SEZ6L: variants seen among roughly 807,000 people sequenced by gnomAD.
SEZ6L encodes the protein seizure 6-like protein.
In SEZ6L, 37 loss-of-function variants were observed where a neutral mutation model predicts 106.2. The ratio of observed to expected loss-of-function variants is 0.35; its 90% CI spans 0.27 to 0.46. The LOEUF (loss-of-function observed/expected upper bound fraction) is 0.46, where lower values mean the gene tolerates loss of function less well. Ranked by LOEUF, SEZ6L falls within the 20% of genes least tolerant of loss-of-function variation. SEZ6L has a pLI of 1.00. For missense variants in SEZ6L, 1,172 were observed against 1,332.8 expected (o/e 0.88, Z 1.88); for synonymous variants, 541 against 570.4 (o/e 0.95, Z 0.73).
In SEZ6L at chr22:26,288,642, G is replaced by A. The variant is rs185065102; in HGVS notation, c.95-3764G>A. On this transcript the variant is annotated intron_variant, in intron 1 of 16. Coordinates refer to ENST00000248933, the MANE Select transcript of SEZ6L (RefSeq NM_021115.5). ...CTTCACTTTGATCATTCATAAAATA[G>A]GAACAATAATTTCTGCCTGATACGG... Among the ~76,000 whole-genome samples, 10 of 152,316 alleles carry A rather than the reference G, an allele frequency of 6.6e-5. No individual in the cohort carries two copies. In the East Asian group the frequency reaches 1.7e-3, roughly 26 times the overall value.
chr22:26,212,668 C>T (rs1457767108), intron 1 of SEZ6L, among the ~76,000 whole-genome samples: 2 of 152,188 alleles, frequency 1.3e-5, no homozygotes, highest in Non-Finnish European at 2.9e-5. Flanking sequence ...AAGGATTCTC[C>T]CACCTCGGCC....
At chr22:26,352,917 G>A (rs893103408) in intron 12 of SEZ6L, among the ~76,000 whole-genome samples, 2 of 152,182 alleles carry the variant, frequency 1.3e-5, no homozygotes, top group African/African-American at 4.8e-5. Flanking sequence ...AGCTTCCCCA[G>A]CCCACAGAAG....
In SEZ6L at chr22:26,292,947, C is replaced by T. The variant is rs746372777; in HGVS notation, c.636C>T (p.Ala212=). ...ISPFTSQPYV[A]HTLPQRPEPG... ...CCTTCACTTCGCAGCCCTATGTGGC[C>T]CACACACTCCCCCAGAGGCCAGAAC... Residue 212 remains alanine, a synonymous_variant, in exon 2 of 17, where the codon GCC becomes GCT. Coordinates refer to ENST00000248933, the MANE Select transcript of SEZ6L (RefSeq NM_021115.5). The T allele has an allele frequency of 1.1e-5, 18 of 1,614,086 alleles. No homozygotes were observed. The Admixed American group carries it at 3.0e-4, about 27-fold the overall frequency.
At chr22:26,307,248 T>G (rs894361387) in intron 6 of SEZ6L, among the ~76,000 whole-genome samples, 5 of 152,116 alleles carry the variant, frequency 3.3e-5, no homozygotes, top group Non-Finnish European at 5.9e-5. Flanking sequence ...TTTGAGCTGG[T>G]TGAGTTGACT....
chr22:26,332,804 C>T (rs1366221975), intron 9 of SEZ6L, among the ~76,000 whole-genome samples: 1 of 152,182 alleles, frequency 6.6e-6, no homozygotes, highest in East Asian at 1.9e-4. Context: ...AAGACTCAAT[C>T]GGAACACACT....
chr22:26,313,652 A>G (rs1294593479), intron 8 of SEZ6L, 112 bp from the exon 9 acceptor site: 3 of 1,291,130 alleles, frequency 2.3e-6, no homozygotes, highest in African/African-American at 1.5e-5. Flanking sequence ...ACCTGTCCAC[A>G]GTACACAGAG....
chr22:26,289,243 G>C (rs1388218821), intron 1 of SEZ6L, among the ~76,000 whole-genome samples: 2 of 152,074 alleles, frequency 1.3e-5, no homozygotes, highest in African/African-American at 4.8e-5. Flanking sequence ...TGGGTGTCCT[G>C]ACCCCTCCCC....
At chr22:26,332,474 T>C (rs5761478) in intron 9 of SEZ6L, among the ~76,000 whole-genome samples, 24,824 of 150,404 alleles carry the variant, frequency 0.17, 2,636 homozygotes, top group East Asian at 0.37. Context: ...TTAGACAGCA[T>C]CTCACTGTGT....
At chr22:26,310,903 T>C (rs2081806068) in intron 7 of SEZ6L, 67 bp downstream of exon 7, 9 of 1,509,066 alleles carry the variant, frequency 6.0e-6, no homozygotes, top group Admixed American at 1.8e-5. Flanking sequence ...AGGGAAAGCA[T>C]GGGGAGATAG....
At chr22:26,249,296 A>G (rs2079483582) in intron 1 of SEZ6L, among the ~76,000 whole-genome samples, 1 of 152,208 alleles carries the variant, frequency 6.6e-6, no homozygotes, top group Non-Finnish European at 1.5e-5. Flanking sequence ...GTTTGTATCC[A>G]CTAACCAACC....
intron 3 of SEZ6L, among the ~76,000 whole-genome samples, chr22:26,295,899 A>C (rs2081287190): frequency 6.6e-6 from 1 of 152,182 alleles, no homozygotes; most frequent in Non-Finnish European, 1.5e-5. Flanking sequence ...CTTGGCAATC[A>C]GGGAAGGTCT....
At chr22:26,320,694 G>A (rs543342576) in intron 9 of SEZ6L, among the ~76,000 whole-genome samples, 2 of 152,202 alleles carry the variant, frequency 1.3e-5, no homozygotes, top group African/African-American at 2.4e-5. Context: ...GGCCCAGAGC[G>A]AGGGAAGGTG....
chr22:26,262,780 T>C (rs188129156), intron 1 of SEZ6L, among the ~76,000 whole-genome samples: 2 of 152,200 alleles, frequency 1.3e-5, no homozygotes, highest in Non-Finnish European at 1.5e-5. Context: ...GACATGAAGC[T>C]CAAATTCTTT....
At chr22:26,293,540 G>A (rs2081206968) in intron 2 of SEZ6L, among the ~76,000 whole-genome samples, 2 of 151,996 alleles carry the variant, frequency 1.3e-5, no homozygotes, top group Admixed American at 1.3e-4. Context: ...TTATTGTCCA[G>A]GCTGGGGAAC....
At chr22:26,380,182 C>A in intron 16 of SEZ6L, 84 bp from the exon 17 acceptor site, 1 of 1,318,584 alleles carries the variant, frequency 7.6e-7, no homozygotes, top group Non-Finnish European at 1.1e-6. Flanking sequence ...CATGGACATA[C>A]AGAGGTGCAA....
chr22:26,357,823 G>A (rs189400744), intron 12 of SEZ6L, among the ~76,000 whole-genome samples: 8 of 152,170 alleles, frequency 5.3e-5, no homozygotes, highest in Non-Finnish European at 1.0e-4. Context: ...TGATAAGGAC[G>A]TGGTGGATGA....
intron 12 of SEZ6L, among the ~76,000 whole-genome samples, chr22:26,359,491 T>A (rs563993126): frequency 2.0e-5 from 3 of 152,314 alleles, no homozygotes; most frequent in Admixed American, 6.5e-5. Context: ...CGCTGCATTC[T>A]CCTTGGATAC....
Position 26,340,543 on chromosome 22 carries a change from C to G in SEZ6L, c.2123C>G (p.Ser708Cys). The G allele has an allele frequency of 6.2e-7, 1 of 1,614,174 alleles. No individual in the cohort carries two copies. Among genetic ancestry groups the G allele is most frequent in the Non-Finnish European group, 8.5e-7 (1 of 1,180,036 alleles). Residue 708 changes from serine (S) to cysteine (C), a missense_variant, in exon 10 of 17, where the codon TCC (serine) becomes TGC (cysteine). Around this residue, in one of 4 missense-constraint regions of SEZ6L, gnomAD observed 534 missense variants for 691.0 expected, o/e 0.77. Coordinates refer to ENST00000248933, the MANE Select transcript of SEZ6L (RefSeq NM_021115.5). ...AACAGTGGCCCCCAGAAACTGTACT[C>G]CTCCACGCCAGACTTAACCATCCAG... ...LGNSGPQKLY[S>C]STPDLTIQFH...
chr22:26,203,220 T>A, intron 1 of SEZ6L, among the ~76,000 whole-genome samples: 1 of 152,260 alleles, frequency 6.6e-6, no homozygotes, highest in East Asian at 1.9e-4. Context: ...GAAATGAAGC[T>A]GTCAGTTGCA....
Sources: allele counts gnomAD v4.1 joint callset (sites outside exome capture counted in the v4.1 genomes callset), GRCh38; gene constraint gnomAD v4.1.1; regional missense constraint gnomAD v4.1.1; transcripts MANE v1.5; gene names NCBI Gene and HGNC (gene_info 2026-07-23, HGNC 2026-07-21).